Variants in CUX2 observed in about 807,000 individuals in gnomAD.
The protein encoded by CUX2 is cut like homeobox 2.
A neutral mutation model predicts 144.8 loss-of-function variants in CUX2; 40 were observed. The observed-to-expected ratio is 0.28, with a 90% CI of 0.21 to 0.36. CUX2 has a LOEUF of 0.36. Among genes scored for constraint, CUX2 ranks in the 10% least tolerant of loss-of-function variants. The pLI is 1.00. For synonymous variants in CUX2, 827 were observed against 875.6 expected (o/e 0.94, Z 0.98); for missense variants, 1,615 against 1,994.0 (o/e 0.81, Z 3.62).
Position 111,260,935 on chromosome 12 carries a change from C to T in CUX2, c.223-2826C>T, listed in dbSNP as rs550076407. Among the ~76,000 whole-genome samples, 307 of 152,352 alleles carry T rather than the reference C, an allele frequency of 2.0e-3. 3 individuals carry two copies. The highest frequency in any genetic ancestry group is 7.0e-3 in the African/African-American group (293 of 41,590). On this transcript the variant is annotated intron_variant, in intron 3 of 21. Coordinates refer to ENST00000261726, the MANE Select transcript of CUX2 (RefSeq NM_015267.4). ...TGGCTGGTCTTTGATAATTCTCCTT[C>T]TAAGACCCATGAGATGAATTGCTTT...
Position 111,263,705 on chromosome 12 carries a change from C to G in CUX2, c.223-56C>G. On this transcript the variant is annotated intron_variant, in intron 3 of 21. Coordinates refer to ENST00000261726, the MANE Select transcript of CUX2 (RefSeq NM_015267.4). The surrounding 1 kb of genome is among the most constrained non-coding windows in gnomAD (Gnocchi z 4.0). ...TGGAAAAAAAAAATGATGAAATTTG[C>G]TTGCAGACACAGATGCCATGGTTAC... is the stretch of plus-strand genomic sequence containing the variant. 2.3e-6 allele frequency: 3 copies of G among 1,300,362 alleles called. No individual in the cohort carries two copies. The highest frequency in any genetic ancestry group is 3.3e-6 in the Non-Finnish European group (3 of 913,158). 80.6% of individuals were successfully genotyped at this position (1,300,362 alleles called of 1,614,324 possible). A position where few individuals can be genotyped will look rare whatever the true frequency, so the allele number is the denominator to read the frequency against.
At chr12:111,100,423 T>C (rs577903117) in intron 1 of CUX2, among the ~76,000 whole-genome samples, 34 of 152,132 alleles carry the variant, frequency 2.2e-4, no homozygotes, top group South Asian at 1.0e-3. Context: ...CTGTGTGTCT[T>C]TGGAGGTGGC....
At chr12:111,083,151 G>C (rs1033306770) in intron 1 of CUX2, among the ~76,000 whole-genome samples, 1 of 152,098 alleles carries the variant, frequency 6.6e-6, no homozygotes. Flanking sequence ...ACTGTCCATT[G>C]GGGGTCACGA....
chr12:111,082,531 C>T (rs961554043), intron 1 of CUX2, among the ~76,000 whole-genome samples: 11 of 152,122 alleles, frequency 7.2e-5, no homozygotes, highest in Admixed American at 2.6e-4. Flanking sequence ...GGACCCAGGT[C>T]GGACTGGAGT....
At chr12:111,100,518 G>A (rs1284348725) in intron 1 of CUX2, among the ~76,000 whole-genome samples, 2 of 152,078 alleles carry the variant, frequency 1.3e-5, no homozygotes, top group Admixed American at 6.5e-5. Flanking sequence ...GAGACACATG[G>A]GTGCGTGACT....
At chr12:111,071,822 TG>T (rs1871263384) in intron 1 of CUX2, among the ~76,000 whole-genome samples, 1 of 152,344 alleles carries the variant, frequency 6.6e-6, no homozygotes, top group Non-Finnish European at 1.5e-5. Context: ...TTTTTATTTT[TG>T]GCATGTGGCT....
chr12:111,098,652 C>T (rs931242307), intron 1 of CUX2, among the ~76,000 whole-genome samples: 4 of 152,190 alleles, frequency 2.6e-5, no homozygotes, highest in Admixed American at 6.5e-5. Flanking sequence ...GGGGAATGGC[C>T]GGAGGGGACC....
In CUX2 at chr12:111,320,003, T is replaced by A. The variant is rs1217707857; in HGVS notation, c.2003-9T>A. ...TGGGCCTCGGGCCGTCCTGTCCCCC[T>A]CCCCGCAGGCGAGCCCAAGACCTCG... On this transcript the variant is annotated splice_polypyrimidine_tract_variant and intron_variant, in intron 16 of 21. Transcript: ENST00000261726. The surrounding 1 kb of genome is among the most constrained non-coding windows in gnomAD (Gnocchi z 8.1). 3 of 1,493,238 alleles carry A rather than the reference T, an allele frequency of 2.0e-6. No individual in the cohort carries two copies. The highest frequency in any genetic ancestry group is 1.8e-6 in the Non-Finnish European group (2 of 1,128,390). The allele number at this position is 1,493,238 out of a possible 1,614,324, so 92.5% of individuals were successfully genotyped here.
At chr12:111,238,985 C>T (rs1882893267) in intron 3 of CUX2, among the ~76,000 whole-genome samples, 1 of 152,188 alleles carries the variant, frequency 6.6e-6, no homozygotes, top group African/African-American at 2.4e-5. Flanking sequence ...GCAGAGGTTG[C>T]AGTAAGCCAA....
At chr12:111,257,276 TCTTCCTCCTCCTCCTCCCTCTTCCTCCCA>T (rs1178334790) in intron 3 of CUX2, among the ~76,000 whole-genome samples, 2 of 116,756 alleles carry the variant, frequency 1.7e-5, no homozygotes, top group East Asian at 6.1e-4. Flanking sequence ...TCCCTTTTCC[TCTTCCTCCTCCTCCTCCCTCTTCCTCCCA>T]CTTCTTCCTC....
At chr12:111,163,220 A>T (rs997932396) in intron 1 of CUX2, among the ~76,000 whole-genome samples, 1 of 152,210 alleles carries the variant, frequency 6.6e-6, no homozygotes, top group Non-Finnish European at 1.5e-5. Context: ...TATATCTGGC[A>T]TATAGTACTC....
intron 1 of CUX2, among the ~76,000 whole-genome samples, chr12:111,202,401 C>T (rs747467609): frequency 1.3e-5 from 2 of 152,236 alleles, no homozygotes; most frequent in Middle Eastern, 3.4e-3. Context: ...CGGGGCTTGC[C>T]GACAAGATAA....
In CUX2 at chr12:111,190,136, A is replaced by G. The variant is rs1879790194; in HGVS notation, c.64-24064A>G. On this transcript the variant is annotated intron_variant, in intron 1 of 21. Transcript: ENST00000261726. The surrounding 1 kb of genome is among the most constrained non-coding windows in gnomAD (Gnocchi z 4.0). ...GTTGGGATCTCCTCTTATGTGAGGC[A>G]CTGATTTCAGTCTCTGGCCCATTTT... is the stretch of plus-strand genomic sequence containing the variant. Among the ~76,000 whole-genome samples the G allele has an allele frequency of 6.6e-6, 1 of 152,102 alleles. No homozygotes were observed. The highest frequency in any genetic ancestry group is 6.6e-5 in the Admixed American group (1 of 15,266).
intron 14 of CUX2, among the ~76,000 whole-genome samples, chr12:111,308,946 C>A (rs767352791): frequency 2.0e-5 from 3 of 152,074 alleles, no homozygotes; most frequent in Non-Finnish European, 2.9e-5. Context: ...TCTCTGTCGC[C>A]CAGGCTGGAG....
intron 3 of CUX2, among the ~76,000 whole-genome samples, chr12:111,256,190 G>GC (rs1208447139): frequency 6.6e-6 from 1 of 151,150 alleles, no homozygotes; most frequent in African/African-American, 2.4e-5. Flanking sequence ...TCCCACCACA[G>GC]CCCCCCTAGC....
intron 1 of CUX2, among the ~76,000 whole-genome samples, chr12:111,128,338 A>G (rs914850205): frequency 6.6e-6 from 1 of 152,178 alleles, no homozygotes; most frequent in Non-Finnish European, 1.5e-5. Context: ...AGTGGTGCCT[A>G]CATATCCTGG....
At chr12:111,189,785 G>A (rs1437006416) in intron 1 of CUX2, among the ~76,000 whole-genome samples, 1 of 152,194 alleles carries the variant, frequency 6.6e-6, no homozygotes, top group Non-Finnish European at 1.5e-5. Flanking sequence ...TGCCGACGCT[G>A]CTGGCCTGTG....
chr12:111,229,295 G>A (rs1244368444), intron 3 of CUX2, among the ~76,000 whole-genome samples: 1 of 152,176 alleles, frequency 6.6e-6, no homozygotes, highest in Non-Finnish European at 1.5e-5. Flanking sequence ...TGGGGCTCCT[G>A]AAGCAACACC....
At position 111,348,277 on chromosome 12, in the gene CUX2, A is replaced by T; in HGVS notation, c.4413A>T (p.Arg1471=). The T allele has an allele frequency of 6.2e-7, 1 of 1,613,568 alleles. No individual in the cohort carries two copies. The highest frequency in any genetic ancestry group is 1.1e-5 in the South Asian group (1 of 91,068). Residue 1471 remains arginine, a synonymous_variant, in exon 22 of 22, where the codon CGA becomes CGT. Transcript: ENST00000261726. ...KMANLNNIIY[R]VERAANREEA... ...CCAATCTGAACAACATCATTTACCG[A>T]GTAGAGCGGGCTGCCAATCGGGAGG...
Sources: gnomAD v4.1 joint callset for allele counts (sites outside exome capture counted in the v4.1 genomes callset) on GRCh38, gnomAD v4.1.1 for gene constraint, Gnocchi (gnomAD v3.1) non-coding constraint, MANE v1.5 for transcripts, NCBI Gene and HGNC (gene_info 2026-07-23, HGNC 2026-07-21) for gene names.